WNT7A: variants seen among roughly 807,000 people sequenced by gnomAD.
WNT7A encodes Wnt family member 7A.
In WNT7A, 16 loss-of-function variants were observed where a neutral mutation model predicts 28.2. The observed-to-expected ratio is 0.57, with a 90% confidence interval of 0.38 to 0.86. WNT7A has a LOEUF of 0.86. WNT7A is among the 40% of genes least tolerant of loss of function. The pLI is 0.00. For synonymous variants in WNT7A, 190 were observed against 195.9 expected, an observed-to-expected ratio of 0.97 and a Z score of 0.25; for missense variants, 411 against 489.7, an observed-to-expected ratio of 0.84 and a Z score of 1.52.
intron 2 of WNT7A, among the ~76,000 whole-genome samples, chr3:13,864,647 A>G (rs950126115): frequency 2.6e-5 from 4 of 152,228 alleles, no homozygotes; most frequent in Admixed American, 2.6e-4. Context: ...TCTAGTAAAT[A>G]TCTGTGGGAT....
At chr3:13,873,302 A>C (rs1190614813) in intron 2 of WNT7A, among the ~76,000 whole-genome samples, 1 of 151,986 alleles carries the variant, frequency 6.6e-6, no homozygotes, top group Non-Finnish European at 1.5e-5. Flanking sequence ...ATCCTCTGCC[A>C]ACTTCACCAG....
At chr3:13,841,846 C>T (rs368788011) in intron 3 of WNT7A, among the ~76,000 whole-genome samples, 5 of 152,122 alleles carry the variant, frequency 3.3e-5, no homozygotes, top group Admixed American at 6.5e-5. Context: ...CAGGAAGCAG[C>T]GAGACAGACT....
chr3:13,879,942 T>C lies in WNT7A; in HGVS notation c.-126A>G. The C allele has an allele frequency of 1.5e-6, 1 of 669,546 alleles. No homozygotes were observed. The highest frequency in any genetic ancestry group is 2.2e-6 in the Non-Finnish European group (1 of 464,036). 41.5% of individuals were successfully genotyped at this position (669,546 alleles called of 1,614,324 possible). On this transcript the variant is annotated 5_prime_UTR_variant, in exon 1 of 4. Transcript: ENST00000285018. ...AGGCGTCCCCGGGGCCGTCTGTCGG[T>C]GCGCCCGTCCGCGCGCTCCGCGCCT...
In WNT7A at chr3:13,819,218, G is replaced by A. The variant is rs746385935; in HGVS notation, c.776C>T (p.Ser259Leu). 2 of 1,614,242 alleles carry A rather than the reference G, an allele frequency of 1.2e-6. No individual in the cohort carries two copies. The highest frequency in any genetic ancestry group is 1.7e-6 in the Non-Finnish European group (2 of 1,180,034). Residue 259 changes from serine (S) to leucine (L), a missense_variant, in exon 4 of 4, where the codon TCG (serine) becomes TTG (leucine). Ser to Leu is a moderately radical substitution (Grantham distance 145). Transcript: ENST00000285018. ...GTCCGTGTCCATGGGCTTGCGGTACGACAGTGGCTTCTTGATCTTCAGGAA... is the reference window on the plus strand; with the variant it reads ...GTCCGTGTCCATGGGCTTGCGGTACAACAGTGGCTTCTTGATCTTCAGGAA... ...PTFLKIKKPL[S>L]YRKPMDTDLV...
chr3:13,824,248 C>T (rs1694159970), intron 3 of WNT7A, among the ~76,000 whole-genome samples: 1 of 152,110 alleles, frequency 6.6e-6, no homozygotes, highest in East Asian at 1.9e-4. Flanking sequence ...GCAGTCATTC[C>T]CCATTTCCCC....
At chr3:13,819,609 C>T (rs1694079892) in intron 3 of WNT7A, among the ~76,000 whole-genome samples, 186 bp from the exon 4 acceptor site, 1 of 150,980 alleles carries the variant, frequency 6.6e-6, no homozygotes, top group Non-Finnish European at 1.5e-5. Flanking sequence ...TTGTGCTGTG[C>T]AAGCCACTTC....
intron 2 of WNT7A, among the ~76,000 whole-genome samples, chr3:13,856,235 G>T (rs564692110): frequency 6.6e-6 from 1 of 152,202 alleles, no homozygotes; most frequent in African/African-American, 2.4e-5. Flanking sequence ...TCCCAGCTCC[G>T]CCACTGACTG....
At chr3:13,868,651 A>G (rs369780200) in intron 2 of WNT7A, among the ~76,000 whole-genome samples, 16,552 of 19,132 alleles carry the variant, frequency 0.87, 7,689 homozygotes, top group African/African-American at 0.89. Context: ...GAGAAAGAAA[A>G]AAAGGAGGGA....
Position 13,879,913 on chromosome 3 carries a change from G to T in WNT7A, c.-97C>A. The T allele has an allele frequency of 1.0e-6, 1 of 1,003,326 alleles. No homozygotes were observed. The highest frequency in any genetic ancestry group is 1.3e-6 in the Non-Finnish European group (1 of 758,804). The allele number at this position is 1,003,326 out of a possible 1,614,324, so 62.2% of individuals were successfully genotyped here. ...AACATAGCCCGCCCGGGAGGCGCGAGCCGAGGCGTCCCCGGGGCCGTCTGT... is the reference window on the plus strand; with the variant it reads ...AACATAGCCCGCCCGGGAGGCGCGATCCGAGGCGTCCCCGGGGCCGTCTGT... On this transcript the variant is annotated 5_prime_UTR_variant, in exon 1 of 4. Transcript: ENST00000285018.
chr3:13,864,664 G>A (rs994728597), intron 2 of WNT7A, among the ~76,000 whole-genome samples: 44 of 152,342 alleles, frequency 2.9e-4, no homozygotes, highest in African/African-American at 9.6e-4. Context: ...GGATGAGGAC[G>A]TGAATAAATG....
chr3:13,826,718 A>G (rs1694202363), intron 3 of WNT7A, among the ~76,000 whole-genome samples: 1 of 152,206 alleles, frequency 6.6e-6, no homozygotes, highest in African/African-American at 2.4e-5. Context: ...AGTGGCTGAA[A>G]CCAGCCAGAA....
chr3:13,856,948 AAG>A (rs1559303321), intron 2 of WNT7A, among the ~76,000 whole-genome samples: 1 of 116,324 alleles, frequency 8.6e-6, no homozygotes, highest in African/African-American at 4.2e-5. Flanking sequence ...GAAGAAGAAG[AAG>A]AAGAAGAAGA....
At chr3:13,870,720 G>A (rs1323307983) in intron 2 of WNT7A, among the ~76,000 whole-genome samples, 2 of 152,206 alleles carry the variant, frequency 1.3e-5, no homozygotes, top group African/African-American at 2.4e-5. Flanking sequence ...CTTTCTGGGG[G>A]TACTTGAATC....
At position 13,817,818 on chromosome 3, in the gene WNT7A, A is replaced by G. The variant is rs1442940472; in HGVS notation, c.*1126T>C. ...GAGGGGCACGATGACCACCCACCAC[A>G]GTGACTCATTTCGAAGCTACCACTC... On this transcript the variant is annotated 3_prime_UTR_variant, in exon 4 of 4. Transcript: ENST00000285018. 6.6e-6 allele frequency: 1 copy of G among 152,200 alleles called. No homozygotes were observed. Among genetic ancestry groups the G allele is most frequent in the Non-Finnish European group, 1.5e-5 (1 of 68,072 alleles). 9.4% of individuals were successfully genotyped at this position (152,200 alleles called of 1,614,324 possible). A position where few individuals can be genotyped will look rare whatever the true frequency, so the allele number is the denominator to read the frequency against.
At chr3:13,858,288 G>T (rs890115900) in intron 2 of WNT7A, among the ~76,000 whole-genome samples, 13 of 152,236 alleles carry the variant, frequency 8.5e-5, no homozygotes, top group African/African-American at 2.7e-4. Flanking sequence ...AGAAAGCCTG[G>T]CCTGTCCTCA....
At chr3:13,849,428 T>TA (rs1694593562) in intron 3 of WNT7A, among the ~76,000 whole-genome samples, 1 of 152,240 alleles carries the variant, frequency 6.6e-6, no homozygotes, top group South Asian at 2.1e-4. Flanking sequence ...GGGAGTCCTG[T>TA]ATTATACCTT....
At chr3:13,856,679 A>T (rs9856758) in intron 2 of WNT7A, among the ~76,000 whole-genome samples, 1 of 151,730 alleles carries the variant, frequency 6.6e-6, no homozygotes, top group Admixed American at 6.6e-5. Context: ...TTAGCTGGGC[A>T]TGGTGACACA....
chr3:13,860,729 C>T (rs909494595), intron 2 of WNT7A, among the ~76,000 whole-genome samples: 1 of 152,104 alleles, frequency 6.6e-6, no homozygotes, highest in Non-Finnish European at 1.5e-5. Flanking sequence ...GCTCACTGCT[C>T]CGAGAACAGC....
chr3:13,835,056 G>A (rs1694343904), intron 3 of WNT7A, among the ~76,000 whole-genome samples: 1 of 152,192 alleles, frequency 6.6e-6, no homozygotes, highest in African/African-American at 2.4e-5. Context: ...GAGTCGACGA[G>A]ACAAAAAGGG....
Sources: gnomAD v4.1 joint callset for allele counts (sites outside exome capture counted in the v4.1 genomes callset) on GRCh38, gnomAD v4.1.1 for gene constraint, MANE v1.5 for transcripts, NCBI Gene and HGNC (gene_info 2026-07-23, HGNC 2026-07-21) for gene names.